The following EPHB1 variants were observed in gnomAD, a reference collection of about 807,000 sequenced individuals.
The protein encoded by EPHB1 is ephrin type-B receptor 1.
EPHB1 carries 30 observed loss-of-function variants against 94.4 expected under a neutral mutation model. That is an observed-to-expected ratio of 0.32 (90% CI 0.24 to 0.43). The LOEUF is 0.43. EPHB1 is among the 20% of genes least tolerant of loss of function. EPHB1 has a pLI of 1.00. For synonymous variants in EPHB1, 522 were observed against 489.1 expected (o/e 1.07, Z -0.89); for missense variants, 1,055 against 1,308.3 (o/e 0.81, Z 2.99).
chr3:134,832,912 C>T (rs531647335), intron 1 of EPHB1, among the ~76,000 whole-genome samples: 15 of 152,350 alleles, frequency 9.8e-5, no homozygotes, highest in South Asian at 2.1e-4. Context: ...CAATCACTCA[C>T]GGTTTATGTG....
chr3:135,080,867 T>C (rs978709232), intron 3 of EPHB1, among the ~76,000 whole-genome samples: 22 of 152,222 alleles, frequency 1.4e-4, no homozygotes, highest in Non-Finnish European at 2.2e-4. Flanking sequence ...GAGCAAGTCC[T>C]TGCCCATGAT....
chr3:135,073,083 C>A (rs1238282409), intron 3 of EPHB1, among the ~76,000 whole-genome samples: 1 of 149,284 alleles, frequency 6.7e-6, no homozygotes, highest in East Asian at 2.0e-4. Flanking sequence ...TTTTTTTTTT[C>A]TTTTCAGACT....
At chr3:134,885,655 G>C (rs10935140) in intron 1 of EPHB1, among the ~76,000 whole-genome samples, 79,555 of 152,052 alleles carry the variant, frequency 0.52, 21,124 homozygotes, top group South Asian at 0.62. Context: ...ATTGTGAGAA[G>C]AAAGGGCTCC....
intron 9 of EPHB1, among the ~76,000 whole-genome samples, chr3:135,178,469 A>G (rs572988263): frequency 3.9e-4 from 59 of 152,012 alleles, no homozygotes; most frequent in African/African-American, 1.3e-3. Context: ...AAAAAAAAAA[A>G]AAAAAAAAAA....
chr3:135,162,324 A>T, intron 7 of EPHB1, 144 bp downstream of exon 7: 1 of 960,772 alleles, frequency 1.0e-6, no homozygotes, highest in Non-Finnish European at 1.5e-6. Flanking sequence ...GCCTCCCAGT[A>T]GGGCCATGTA....
intron 1 of EPHB1, among the ~76,000 whole-genome samples, chr3:134,812,824 T>C (rs1055238303): frequency 6.6e-6 from 1 of 152,210 alleles, no homozygotes; most frequent in Non-Finnish European, 1.5e-5. Context: ...TGGCATCTCA[T>C]TGTTTGTTTT....
chr3:134,903,364 T>G (rs1185941374), intron 1 of EPHB1, among the ~76,000 whole-genome samples: 1 of 152,136 alleles, frequency 6.6e-6, no homozygotes, highest in African/African-American at 2.4e-5. Context: ...GGTGAGTGTA[T>G]GGAATGAGAG....
chr3:134,882,945 C>T (rs935211623), intron 1 of EPHB1, among the ~76,000 whole-genome samples: 14 of 152,116 alleles, frequency 9.2e-5, no homozygotes, highest in Non-Finnish European at 1.8e-4. Context: ...GCCTCAGCCT[C>T]CCGAATAGCT....
intron 3 of EPHB1, among the ~76,000 whole-genome samples, chr3:135,030,561 TGAG>T (rs1936399499): frequency 6.6e-6 from 1 of 152,216 alleles, no homozygotes; most frequent in Non-Finnish European, 1.5e-5. Flanking sequence ...GGGACCCACT[TGAG>T]GAGGCAGTCT....
At chr3:134,811,242 G>GGTTTTTTTT (rs2036168294) in intron 1 of EPHB1, among the ~76,000 whole-genome samples, 2 of 73,848 alleles carry the variant, frequency 2.7e-5, no homozygotes, top group African/African-American at 8.4e-5. Flanking sequence ...TACTAAGAAG[G>GGTTTTTTTT]TTTTTTTTTT....
chr3:135,009,418 A>G (rs1935541612), intron 3 of EPHB1, among the ~76,000 whole-genome samples: 1 of 152,210 alleles, frequency 6.6e-6, no homozygotes. Flanking sequence ...CTCAGCTACT[A>G]TAATTTGGGG....
chr3:134,918,139 T>C (rs1483414868), intron 1 of EPHB1, among the ~76,000 whole-genome samples: 1 of 152,202 alleles, frequency 6.6e-6, no homozygotes, highest in Non-Finnish European at 1.5e-5. Context: ...AACTCAGATA[T>C]ATAAAGTGAT....
intron 12 of EPHB1, among the ~76,000 whole-genome samples, chr3:135,238,118 C>T (rs757837649): frequency 1.3e-5 from 2 of 152,276 alleles, no homozygotes; most frequent in Non-Finnish European, 2.9e-5. Context: ...TACCTCTGAG[C>T]ACCAGAAGGC....
intron 15 of EPHB1, among the ~76,000 whole-genome samples, chr3:135,258,523 AT>A (rs1933513453): frequency 1.3e-5 from 2 of 152,182 alleles, no homozygotes; most frequent in Admixed American, 6.5e-5. Flanking sequence ...TTAAAAATGC[AT>A]ACATTAAAAT....
intron 9 of EPHB1, among the ~76,000 whole-genome samples, chr3:135,170,574 TG>T (rs1941777677): frequency 6.6e-6 from 1 of 152,050 alleles, no homozygotes; most frequent in Non-Finnish European, 1.5e-5. Flanking sequence ...ATGGTTTTTG[TG>T]GGCCCGTTCT....
At chr3:134,826,250 T>C (rs1578117377) in intron 1 of EPHB1, among the ~76,000 whole-genome samples, 1 of 10,930 alleles carries the variant, frequency 9.1e-5, no homozygotes, top group Non-Finnish European at 2.0e-4. Context: ...AGACTCCATC[T>C]CAAAAAAAAA....
intron 10 of EPHB1, among the ~76,000 whole-genome samples, chr3:135,180,856 C>T (rs556854415): frequency 2.0e-4 from 31 of 152,288 alleles, no homozygotes; most frequent in African/African-American, 7.0e-4. Context: ...CAACATTCTT[C>T]GTCTTTTCTT....
intron 1 of EPHB1, among the ~76,000 whole-genome samples, chr3:134,916,938 T>C (rs768303923): frequency 6.6e-6 from 1 of 152,224 alleles, no homozygotes; most frequent in Non-Finnish European, 1.5e-5. Context: ...CCATCTTGAT[T>C]TGAGATTTTT....
rs565119753 is a variant in EPHB1 at position 135,079,893 on chromosome 3, G to A, written c.806-26555G>A. ...TCTAATGCATGGGGGCAACTGGAGT[G>A]TTGAGTAGACATGGCCATCCCAAGT... On this transcript the variant is annotated intron_variant, in intron 3 of 15. Transcript: ENST00000398015. 7.9e-5 allele frequency among the ~76,000 whole-genome samples: 12 copies of A among 152,188 alleles called. No homozygotes were observed. The South Asian group carries it at 2.5e-3, about 32-fold the overall frequency.
Sources: gnomAD v4.1 joint callset for allele counts (sites outside exome capture counted in the v4.1 genomes callset) on GRCh38, gnomAD v4.1.1 for gene constraint, MANE v1.5 for transcripts, NCBI Gene and HGNC (gene_info 2026-07-23, HGNC 2026-07-21) for gene names.